Variants in TLR3 observed in about 807,000 individuals in gnomAD.
TLR3 encodes toll like receptor 3.
In TLR3, 43 loss-of-function variants were observed where a neutral mutation model predicts 66.4. That is an observed-to-expected ratio of 0.65 (90% CI 0.51 to 0.83). The LOEUF (loss-of-function observed/expected upper bound fraction) is 0.83, where lower values mean the gene tolerates loss of function less well. TLR3 is among the 40% of genes least tolerant of loss of function. The pLI is 0.00. For missense variants in TLR3, 982 were observed against 1,044.6 expected, an observed-to-expected ratio of 0.94 and a Z score of 0.83; for synonymous variants, 397 against 397.2, an observed-to-expected ratio of 1.00 and a Z score of 0.01.
chr4:186,085,130 C>A lies in TLR3; in HGVS notation c.*257C>A. 1 of 483,468 alleles carries A rather than the reference C, an allele frequency of 2.1e-6. No homozygotes were observed. Among genetic ancestry groups the A allele is most frequent in the Non-Finnish European group, 3.7e-6 (1 of 270,046 alleles). The allele number at this position is 483,468 out of a possible 1,614,324, so 29.9% of individuals were successfully genotyped here. On this transcript the variant is annotated 3_prime_UTR_variant, in exon 5 of 5. Transcript: ENST00000296795. Reference sequence around the variant, plus strand: ...TGTCTACTGATTAATATACAATCAGCCACTGAGCCTATGACAGCTTAAGGA... The same window carrying A: ...TGTCTACTGATTAATATACAATCAGACACTGAGCCTATGACAGCTTAAGGA...
chr4:186,084,419 C>T (rs1037875730), intron 4 of TLR3, among the ~76,000 whole-genome samples: 2 of 151,920 alleles, frequency 1.3e-5, no homozygotes, highest in Non-Finnish European at 2.9e-5. Context: ...TGGGGTTTCA[C>T]CGTGTTGGCC....
chr4:186,087,401 C>T lies in TLR3; in HGVS notation c.*2528C>T, dbSNP rs1159014312. 1 of 152,168 alleles carries T rather than the reference C, an allele frequency of 6.6e-6. No homozygotes were observed. Among genetic ancestry groups the T allele is most frequent in the African/African-American group, 2.4e-5 (1 of 41,438 alleles). 9.4% of individuals were successfully genotyped at this position (152,168 alleles called of 1,614,324 possible). On this transcript the variant is annotated 3_prime_UTR_variant, in exon 5 of 5. Coordinates refer to ENST00000296795, the MANE Select transcript of TLR3 (RefSeq NM_003265.3). ...TGTGTAATTGTTCTCCGGAGGAACC[C>T]TTGTCCCTGGGGTTTGAGAGAAGGG...
Position 186,082,621 on chromosome 4 carries a change from A to G in TLR3, c.935A>G (p.His312Arg). Residue 312 changes from histidine (H) to arginine (R), a missense_variant, in exon 4 of 5, where the codon CAT becomes CGT. This residue lies in a region of TLR3 where 666 missense variants were observed against 709.0 expected (regional missense o/e 0.94). Coordinates refer to ENST00000296795, the MANE Select transcript of TLR3 (RefSeq NM_003265.3). ...TTCCTAGAGTATAATAATATACAGC[A>G]TTTGTTTTCTCACTCTTTGCACGGG... Reference protein sequence around the residue: ...YFFLEYNNIQHLFSHSLHGLF... With the variant: ...YFFLEYNNIQRLFSHSLHGLF... 1 of 1,614,104 alleles carries G rather than the reference A, an allele frequency of 6.2e-7. No individual in the cohort carries two copies. Among genetic ancestry groups the G allele is most frequent in the Non-Finnish European group, 8.5e-7 (1 of 1,179,996 alleles).
intron 1 of TLR3, among the ~76,000 whole-genome samples, chr4:186,070,266 C>T (rs1392745678): frequency 2.6e-5 from 4 of 152,118 alleles, no homozygotes; most frequent in Admixed American, 6.5e-5. Flanking sequence ...TCATACAGAT[C>T]GTATGGCTAT....
At chr4:186,073,391 G>A (rs920065162) in intron 1 of TLR3, among the ~76,000 whole-genome samples, 31 of 152,128 alleles carry the variant, frequency 2.0e-4, no homozygotes, top group East Asian at 5.8e-4. Context: ...ATGGTGGCGC[G>A]TGCCTGTAGT....
At chr4:186,072,502 G>A (rs577552509) in intron 1 of TLR3, among the ~76,000 whole-genome samples, 2 of 152,154 alleles carry the variant, frequency 1.3e-5, no homozygotes, top group African/African-American at 2.4e-5. Context: ...GTAGAGACAC[G>A]GTTACACCAT....
At chr4:186,082,201 G>A (rs1393159282) in intron 3 of TLR3, 119 bp from the exon 4 acceptor site, 6 of 887,586 alleles carry the variant, frequency 6.8e-6, no homozygotes, top group African/African-American at 1.9e-5. Flanking sequence ...CTCCAGCCTG[G>A]GCGACAGAGC....
intron 2 of TLR3, among the ~76,000 whole-genome samples, chr4:186,078,370 A>G (rs748509586): frequency 6.6e-6 from 1 of 152,204 alleles, no homozygotes; most frequent in Non-Finnish European, 1.5e-5. Flanking sequence ...AAATCTATTT[A>G]AAATTTCATA....
At chr4:186,080,442 A>G (rs1343924409) in intron 3 of TLR3, among the ~76,000 whole-genome samples, 1 of 152,078 alleles carries the variant, frequency 6.6e-6, no homozygotes, top group Admixed American at 6.6e-5. Flanking sequence ...GCTTTTCTCC[A>G]AATAATTATA....
At position 186,082,524 on chromosome 4, in the gene TLR3, G is replaced by T; in HGVS notation, c.838G>T (p.Asp280Tyr). Residue 280 changes from aspartate to tyrosine, a missense_variant, in exon 4 of 5, where the codon GAT (aspartate) becomes TAT (tyrosine). By Grantham distance (160) the Asp-to-Tyr change is radical. Around this residue, in one of 3 missense-constraint regions of TLR3, gnomAD observed 313 missense variants for 319.0 expected, o/e 0.98. Coordinates refer to ENST00000296795, the MANE Select transcript of TLR3 (RefSeq NM_003265.3). ...AAAGTGGACAAATCTCACTATGCTC[G>T]ATCTTTCCTACAACAACTTAAATGT... is the stretch of plus-strand genomic sequence containing the variant. ...GLKWTNLTML[D>Y]LSYNNLNVVG... 2 of 1,614,126 alleles carry T rather than the reference G, an allele frequency of 1.2e-6. No homozygotes were observed. The highest frequency in any genetic ancestry group is 2.2e-5 in the East Asian group (1 of 44,876).
At chr4:186,069,280 T>G (rs2150064729) in intron 1 of TLR3, 32 bp downstream of exon 1, 1 of 152,332 alleles carries the variant, frequency 6.6e-6, no homozygotes, top group East Asian at 1.9e-4. Flanking sequence ...ACGTTCTTAC[T>G]GGGCAGGGTC....
chr4:186,080,936 G>C (rs2099303324), intron 3 of TLR3, among the ~76,000 whole-genome samples: 1 of 151,794 alleles, frequency 6.6e-6, no homozygotes, highest in Non-Finnish European at 1.5e-5. Flanking sequence ...GGGACAGTAG[G>C]GCTAATGCAA....
rs775850017 is a variant in TLR3, at chr4:186,083,292, G to A, written c.1606G>A (p.Asp536Asn). Residue 536 changes from aspartate to asparagine, a missense_variant, in exon 4 of 5, where the codon GAT (aspartate) becomes AAT (asparagine). Transcript: ENST00000296795. The surrounding 1 kb of genome is among the most constrained non-coding windows in gnomAD (Gnocchi z 4.0). The stretch of plus-strand genomic sequence containing the variant: ...GGGTCTTGAGAAACTAGAAATTCTC[G>A]ATTTGCAGCATAACAACTTAGCACG... ...LEGLEKLEIL[D>N]LQHNNLARLW... 8.1e-6 allele frequency: 13 copies of A among 1,613,948 alleles called. No homozygotes were observed. Among genetic ancestry groups the A allele is most frequent in the East Asian group, 4.5e-5 (2 of 44,892 alleles).
Position 186,082,388 on chromosome 4 carries a change from T to C in TLR3, c.702T>C (p.Gly234=). The C allele has an allele frequency of 3.1e-6, 5 of 1,614,090 alleles. No individual in the cohort carries two copies. Among genetic ancestry groups the C allele is most frequent in the Non-Finnish European group, 4.2e-6 (5 of 1,180,032 alleles). ...FGLFLNNVQL[G]PSLTEKLCLE... is the part of the protein sequence containing the mutation. ...TCTTTCTGAACAATGTCCAGCTGGG[T>C]CCCAGCCTTACAGAGAAGCTATGTT... The change falls in exon 4 of 5, where the codon GGT becomes GGC. Residue 234 remains glycine (G), a synonymous_variant. Coordinates refer to ENST00000296795, the MANE Select transcript of TLR3 (RefSeq NM_003265.3).
chr4:186,086,642 T>C lies in TLR3; in HGVS notation c.*1769T>C, dbSNP rs545712228. 1.4e-3 allele frequency: 208 copies of C among 152,360 alleles called. 1 individual carries two copies. Among genetic ancestry groups the C allele is most frequent in the African/African-American group, 4.9e-3 (203 of 41,592 alleles). 9.4% of individuals were successfully genotyped at this position (152,360 alleles called of 1,614,324 possible). A position where few individuals can be genotyped will look rare whatever the true frequency, so the allele number is the denominator to read the frequency against. ...TAAAAATCACAACTTCTGCTTTTCT[T>C]ATATGCTTTGTGTGTTATCACACAA... On this transcript the variant is annotated 3_prime_UTR_variant, in exon 5 of 5. Coordinates refer to ENST00000296795, the MANE Select transcript of TLR3 (RefSeq NM_003265.3).
chr4:186,079,074 T>G, intron 3 of TLR3, 43 bp downstream of exon 3: 1 of 1,517,952 alleles, frequency 6.6e-7, no homozygotes, highest in Admixed American at 1.7e-5. Context: ...GCCTTTAAGG[T>G]GGATAGTCCC....
chr4:186,080,435 T>G (rs1438214691), intron 3 of TLR3, among the ~76,000 whole-genome samples: 1 of 152,052 alleles, frequency 6.6e-6, no homozygotes, highest in Non-Finnish European at 1.5e-5. Flanking sequence ...ATCCCTGGCT[T>G]TTCTCCAAAT....
chr4:186,074,948 C>T (rs547650728), intron 1 of TLR3, among the ~76,000 whole-genome samples: 4 of 151,994 alleles, frequency 2.6e-5, no homozygotes, highest in Admixed American at 6.6e-5. Context: ...ACAACACGCA[C>T]GGACCTGTCA....
chr4:186,083,343 G>C lies in TLR3; in HGVS notation c.1657G>C (p.Gly553Arg). 6.2e-7 allele frequency: 1 copy of C among 1,614,128 alleles called. No homozygotes were observed. The highest frequency in any genetic ancestry group is 8.5e-7 in the Non-Finnish European group (1 of 1,180,034). ...ARLWKHANPG[G>R]PIYFLKGLSH... ...GCTCTGGAAACACGCAAACCCTGGT[G>C]GTCCCATTTATTTCCTAAAGGGTCT... Residue 553 changes from glycine (G) to arginine (R), a missense_variant, in exon 4 of 5, where the codon GGT becomes CGT. Transcript: ENST00000296795. The surrounding 1 kb of genome is among the most constrained non-coding windows in gnomAD (Gnocchi z 4.0).
Sources: allele counts gnomAD v4.1 joint callset (sites outside exome capture counted in the v4.1 genomes callset), GRCh38; gene constraint gnomAD v4.1.1; regional missense constraint gnomAD v4.1.1; non-coding constraint Gnocchi (gnomAD v3.1); transcripts MANE v1.5; gene names NCBI Gene and HGNC (gene_info 2026-07-23, HGNC 2026-07-21).